The following EPB41L1 variants were observed in gnomAD, a reference collection of about 807,000 sequenced individuals.
EPB41L1 encodes the protein erythrocyte membrane protein band 4.1 like 1, also known as band 4.1-like protein 1.
Under a neutral mutation model 97.8 loss-of-function variants are expected in EPB41L1, and 29 were observed. That is an observed-to-expected ratio of 0.30 (90% CI 0.22 to 0.40). EPB41L1 has a LOEUF of 0.40. EPB41L1 is among the 10% of genes least tolerant of loss of function. EPB41L1 has a pLI of 1.00. For synonymous variants in EPB41L1, 383 were observed against 459.2 expected (o/e 0.83, Z 2.12); for missense variants, 812 against 1,162.3 (o/e 0.70, Z 4.38).
At chr20:36,145,454 T>G (rs189780163) in intron 2 of EPB41L1, among the ~76,000 whole-genome samples, 78 of 151,838 alleles carry the variant, frequency 5.1e-4, no homozygotes, top group African/African-American at 1.8e-3. Flanking sequence ...GACCACACTT[T>G]AGAATCATCC....
rs2062152356 is a variant in EPB41L1, at chr20:36,195,462, C to T, written c.1485+98C>T. 7.8e-6 allele frequency: 11 copies of T among 1,410,306 alleles called. No homozygotes were observed. The highest frequency in any genetic ancestry group is 1.1e-5 in the Non-Finnish European group (11 of 1,000,522). 87.4% of individuals were successfully genotyped at this position (1,410,306 alleles called of 1,614,324 possible). ...CATCCCAGGCTCACTTCCCTGGCAC[C>T]ATCTCAGCTTCAACTTCATCTCTGC... On this transcript the variant is annotated intron_variant, in intron 13 of 21. Transcript: ENST00000338074. This position sits in a 1 kb window ranked among gnomAD's most constrained non-coding sequence, Gnocchi z 4.6.
chr20:36,094,440 A>C (rs370885298), intron 1 of EPB41L1, among the ~76,000 whole-genome samples: 1 of 152,222 alleles, frequency 6.6e-6, no homozygotes, highest in African/African-American at 2.4e-5. Context: ...ACTGTGATAC[A>C]AGGGTAGAGA....
At chr20:36,137,368 G>A (rs1047732560) in intron 2 of EPB41L1, among the ~76,000 whole-genome samples, 4 of 150,630 alleles carry the variant, frequency 2.7e-5, no homozygotes, top group Admixed American at 6.6e-5. Context: ...GAGCCACTGC[G>A]CTGGGGCAGC....
At chr20:36,162,605 G>A (rs541927328) in intron 1 of EPB41L1, among the ~76,000 whole-genome samples, 1 of 152,304 alleles carries the variant, frequency 6.6e-6, no homozygotes, top group South Asian at 2.1e-4. Context: ...CCCTGCTAAC[G>A]GGAGGTCTCT....
intron 1 of EPB41L1, among the ~76,000 whole-genome samples, chr20:36,111,802 AAAG>A (rs1234247976): frequency 6.6e-6 from 1 of 151,518 alleles, no homozygotes; most frequent in African/African-American, 2.4e-5. Flanking sequence ...AAAAAAAAAA[AAAG>A]AGAAAAGAAA....
chr20:36,216,868 C>T (rs2063477412), intron 17 of EPB41L1, among the ~76,000 whole-genome samples: 1 of 152,118 alleles, frequency 6.6e-6, no homozygotes, highest in African/African-American at 2.4e-5. Flanking sequence ...GGGGAAAGCA[C>T]AGGATTTGGT....
chr20:36,171,300 C>T (rs1459079918), intron 1 of EPB41L1, among the ~76,000 whole-genome samples: 2 of 152,130 alleles, frequency 1.3e-5, no homozygotes, highest in African/African-American at 4.8e-5. Flanking sequence ...CTGTGGGCTC[C>T]CCTAGAGCAG....
At chr20:36,203,228 T>G (rs962200692) in intron 14 of EPB41L1, among the ~76,000 whole-genome samples, 3 of 152,212 alleles carry the variant, frequency 2.0e-5, no homozygotes, top group African/African-American at 7.2e-5. Context: ...CTTTTCCTCT[T>G]CAGGATCCTA....
In EPB41L1 at chr20:36,197,874, G is replaced by A; in HGVS notation, c.1501G>A (p.Glu501Lys). The change falls in exon 14 of 22, where the codon GAA (glutamate) becomes AAA (lysine). Residue 501 changes from glutamate to lysine, a missense_variant. Around this residue, in one of 3 missense-constraint regions of EPB41L1, gnomAD observed 498 missense variants for 622.7 expected, o/e 0.80. Transcript: ENST00000338074. The part of the protein sequence containing the change: ...RHKQEFLDKP[E>K]DVLLKHQASI... Reference sequence around the variant, plus strand: ...CTATCCCTAGTTCTTAGACAAGCCAGAAGATGTCTTGCTGAAGCACCAGGC... The same window carrying A: ...CTATCCCTAGTTCTTAGACAAGCCAAAAGATGTCTTGCTGAAGCACCAGGC... The A allele has an allele frequency of 1.2e-6, 2 of 1,614,140 alleles. No individual in the cohort carries two copies. Among genetic ancestry groups the A allele is most frequent in the Non-Finnish European group, 1.7e-6 (2 of 1,180,028 alleles).
intron 14 of EPB41L1, among the ~76,000 whole-genome samples, chr20:36,198,293 A>G (rs2062315620): frequency 6.6e-6 from 1 of 152,202 alleles, no homozygotes; most frequent in African/African-American, 2.4e-5. Context: ...CTCCCCTTCC[A>G]TCAGCCCGAG....
chr20:36,197,583 G>T (rs1480562652), intron 13 of EPB41L1: 1 of 970,796 alleles, frequency 1.0e-6, no homozygotes, highest in African/African-American at 1.8e-5. Flanking sequence ...GCTGTTCAGA[G>T]GCTGTAGAGC....
At chr20:36,167,684 G>A (rs1390707214) in intron 1 of EPB41L1, among the ~76,000 whole-genome samples, 1 of 151,244 alleles carries the variant, frequency 6.6e-6, no homozygotes, top group Non-Finnish European at 1.5e-5. Flanking sequence ...CTCCAGCCTG[G>A]GCCATGGAGT....
At chr20:36,134,126 C>T (rs533751351) in intron 2 of EPB41L1, among the ~76,000 whole-genome samples, 23 of 152,258 alleles carry the variant, frequency 1.5e-4, no homozygotes, top group Non-Finnish European at 3.1e-4. Flanking sequence ...TAGGAAGTGG[C>T]GGGGCTGGGA....
chr20:36,224,964 G>A (rs2147155239), intron 21 of EPB41L1, among the ~76,000 whole-genome samples: 1 of 152,262 alleles, frequency 6.6e-6, no homozygotes, highest in Admixed American at 6.5e-5. Flanking sequence ...TGAGACTACA[G>A]GCGTGTGCTA....
At chr20:36,173,139 AACTCG>A (rs2061068179) in intron 1 of EPB41L1, among the ~76,000 whole-genome samples, 1 of 152,256 alleles carries the variant, frequency 6.6e-6, no homozygotes, top group Admixed American at 6.5e-5. Context: ...ATTTGTGGCC[AACTCG>A]GGGACTGAGC....
chr20:36,185,735 C>A (rs886177918), intron 7 of EPB41L1, among the ~76,000 whole-genome samples: 1 of 152,200 alleles, frequency 6.6e-6, no homozygotes, highest in Non-Finnish European at 1.5e-5. Flanking sequence ...CTGGCTCTGC[C>A]ACTTTCTAAC....
chr20:36,097,256 G>C (rs138354672), intron 1 of EPB41L1, among the ~76,000 whole-genome samples: 10 of 152,372 alleles, frequency 6.6e-5, no homozygotes, highest in Non-Finnish European at 1.3e-4. Context: ...GGCACACTTA[G>C]TAGTGGTTAC....
chr20:36,172,947 CTCTT>C (rs760788343), intron 1 of EPB41L1, among the ~76,000 whole-genome samples: 2 of 152,326 alleles, frequency 1.3e-5, no homozygotes, highest in South Asian at 2.1e-4. Context: ...TTCTCTCTCT[CTCTT>C]TCTCTCTCTG....
chr20:36,178,697 A>T (rs745357618), intron 5 of EPB41L1, 25 bp downstream of exon 5: 7 of 1,605,594 alleles, frequency 4.4e-6, no homozygotes, highest in Non-Finnish European at 5.1e-6. Flanking sequence ...GTGTTTGGGG[A>T]GGTGGGTGGG....
Sources: allele counts gnomAD v4.1 joint callset (sites outside exome capture counted in the v4.1 genomes callset), GRCh38; gene constraint gnomAD v4.1.1; regional missense constraint gnomAD v4.1.1; non-coding constraint Gnocchi (gnomAD v3.1); transcripts MANE v1.5; gene names NCBI Gene and HGNC (gene_info 2026-07-23, HGNC 2026-07-21).